Variants in SPOCK3 observed in about 807,000 individuals in gnomAD.
The protein encoded by SPOCK3 is testican-3.
Under a neutral mutation model 56.6 loss-of-function variants are expected in SPOCK3, and 30 were observed. The observed-to-expected ratio is 0.53, with a 90% CI of 0.40 to 0.72. The LOEUF (loss-of-function observed/expected upper bound fraction) is 0.72, where lower values mean the gene tolerates loss of function less well. SPOCK3 is among the 30% of genes least tolerant of loss of function. The pLI, the probability that SPOCK3 is intolerant of heterozygous loss-of-function variation, is 0.00. For synonymous variants in SPOCK3, 196 were observed against 183.3 expected (o/e 1.07, Z -0.56); for missense variants, 527 against 530.0 (o/e 0.99, Z 0.06).
At chr4:166,946,658 G>A (rs1741790558) in intron 4 of SPOCK3, among the ~76,000 whole-genome samples, 1 of 152,138 alleles carries the variant, frequency 6.6e-6, no homozygotes, top group South Asian at 2.1e-4. Flanking sequence ...TCTTTGGCAT[G>A]TCGGATCCCT....
At chr4:167,210,816 G>GCT (rs758997536) in intron 2 of SPOCK3, among the ~76,000 whole-genome samples, 5 of 151,450 alleles carry the variant, frequency 3.3e-5, no homozygotes, top group African/African-American at 9.7e-5. Context: ...AGTGCAGAAG[G>GCT]CTCTCTCTCT....
At chr4:167,189,732 AC>A (rs1732316914) in intron 2 of SPOCK3, among the ~76,000 whole-genome samples, 1 of 145,516 alleles carries the variant, frequency 6.9e-6, no homozygotes, top group African/African-American at 2.6e-5. Context: ...AATCCCCAGA[AC>A]TTTTTCATCT....
At chr4:166,930,375 A>G (rs1180194194) in intron 4 of SPOCK3, among the ~76,000 whole-genome samples, 1 of 152,028 alleles carries the variant, frequency 6.6e-6, no homozygotes, top group East Asian at 1.9e-4. Flanking sequence ...GGTCATTTTA[A>G]TCATCATTGA....
chr4:167,022,226 T>C (rs1751257615), intron 3 of SPOCK3, among the ~76,000 whole-genome samples: 1 of 152,028 alleles, frequency 6.6e-6, no homozygotes, highest in South Asian at 2.1e-4. Flanking sequence ...ATGCGAGCCT[T>C]ATGATCCAAG....
At chr4:166,766,418 A>T (rs543309468) in intron 7 of SPOCK3, among the ~76,000 whole-genome samples, 2 of 152,284 alleles carry the variant, frequency 1.3e-5, no homozygotes, top group South Asian at 4.1e-4. Flanking sequence ...ATTTTGTCAA[A>T]GGCCTTTGCT....
intron 4 of SPOCK3, among the ~76,000 whole-genome samples, chr4:166,935,148 G>A (rs1740258518): frequency 6.6e-6 from 1 of 152,094 alleles, no homozygotes; most frequent in Non-Finnish European, 1.5e-5. Context: ...ATCCACCATG[G>A]GGCTTGGCCA....
intron 4 of SPOCK3, among the ~76,000 whole-genome samples, chr4:166,958,216 T>C (rs1743728433): frequency 6.6e-6 from 1 of 152,178 alleles, no homozygotes. Flanking sequence ...TAAAAGTGTA[T>C]GCATCTTCCA....
intron 4 of SPOCK3, among the ~76,000 whole-genome samples, chr4:166,968,259 C>T (rs920439391): frequency 6.6e-6 from 1 of 152,168 alleles, no homozygotes; most frequent in Non-Finnish European, 1.5e-5. Flanking sequence ...AAGAAAAACT[C>T]ATTTTCTGGG....
chr4:167,207,321 ACT>A (rs1431152044), intron 2 of SPOCK3, among the ~76,000 whole-genome samples: 1 of 151,980 alleles, frequency 6.6e-6, no homozygotes, highest in African/African-American at 2.4e-5. Flanking sequence ...CAATACTACG[ACT>A]CTCAGAGTCC....
chr4:166,791,749 C>T (rs1305665855), intron 7 of SPOCK3, among the ~76,000 whole-genome samples: 3 of 151,894 alleles, frequency 2.0e-5, no homozygotes, highest in African/African-American at 7.3e-5. Flanking sequence ...TCTACTGATC[C>T]ATTTCACACA....
chr4:166,740,274 T>C (rs1441136365), intron 9 of SPOCK3, among the ~76,000 whole-genome samples: 2 of 152,098 alleles, frequency 1.3e-5, no homozygotes, highest in African/African-American at 2.4e-5. Context: ...GTGTTCTCTA[T>C]AATAATTTTC....
At chr4:167,205,416 A>T (rs1456100275) in intron 2 of SPOCK3, among the ~76,000 whole-genome samples, 9 of 42,140 alleles carry the variant, frequency 2.1e-4, no homozygotes, top group Admixed American at 9.3e-4. Flanking sequence ...TTATATATTA[A>T]ATATATAATA....
intron 4 of SPOCK3, among the ~76,000 whole-genome samples, chr4:166,921,839 T>C (rs1738522438): frequency 6.6e-6 from 1 of 152,206 alleles, no homozygotes; most frequent in South Asian, 2.1e-4. Context: ...TTCCCATCAC[T>C]ATCTCTCCTA....
intron 2 of SPOCK3, among the ~76,000 whole-genome samples, chr4:167,179,985 A>C (rs1285675782): frequency 2.0e-5 from 3 of 152,166 alleles, no homozygotes; most frequent in Non-Finnish European, 2.9e-5. Context: ...AATGCCCCAA[A>C]GAAGTTATAC....
chr4:167,186,855 C>T (rs1196070423), intron 2 of SPOCK3, among the ~76,000 whole-genome samples: 1 of 149,368 alleles, frequency 6.7e-6, no homozygotes, highest in Non-Finnish European at 1.5e-5. Flanking sequence ...CACATGCCTG[C>T]AGTCCTACCT....
At chr4:166,912,155 C>G (rs1737350116) in intron 5 of SPOCK3, among the ~76,000 whole-genome samples, 1 of 152,008 alleles carries the variant, frequency 6.6e-6, no homozygotes, top group Non-Finnish European at 1.5e-5. Context: ...GCTTCAATGT[C>G]AACTAAATAT....
intron 2 of SPOCK3, among the ~76,000 whole-genome samples, chr4:167,101,068 T>C (rs1580291542): frequency 6.6e-6 from 1 of 152,286 alleles, no homozygotes; most frequent in East Asian, 1.9e-4. Context: ...CATTAATATT[T>C]TTCACTAATT....
At chr4:167,229,354 T>C (rs777514059) in intron 2 of SPOCK3, among the ~76,000 whole-genome samples, 5 of 152,154 alleles carry the variant, frequency 3.3e-5, no homozygotes, top group Non-Finnish European at 7.4e-5. Flanking sequence ...ATCATAAACC[T>C]AAACAAAGTA....
chr4:167,161,932 G>C (rs1015460909), intron 2 of SPOCK3, among the ~76,000 whole-genome samples: 1 of 151,480 alleles, frequency 6.6e-6, no homozygotes, highest in Non-Finnish European at 1.5e-5. Flanking sequence ...GGAGATATAC[G>C]TAATGTTAAA....
Sources: gnomAD v4.1 joint callset for allele counts (sites outside exome capture counted in the v4.1 genomes callset) on GRCh38, gnomAD v4.1.1 for gene constraint, MANE v1.5 for transcripts, NCBI Gene and HGNC (gene_info 2026-07-23, HGNC 2026-07-21) for gene names.